The following PTPRD variants were observed in gnomAD, a reference collection of about 807,000 sequenced individuals.
PTPRD encodes receptor-type tyrosine-protein phosphatase delta.
A neutral mutation model predicts 214.5 loss-of-function variants in PTPRD; 34 were observed. The observed-to-expected ratio is 0.16, with a 90% CI of 0.12 to 0.21. The LOEUF (loss-of-function observed/expected upper bound fraction) is 0.21. Ranked by LOEUF, PTPRD falls within the 10% of genes least tolerant of loss-of-function variation. The pLI is 1.00. For synonymous variants in PTPRD, 1,128 were observed against 845.7 expected, an observed-to-expected ratio of 1.33 and a Z score of -5.79; for missense variants, 2,545 against 2,398.7, an observed-to-expected ratio of 1.06 and a Z score of -1.27.
chr9:10,457,820 G>T (rs943997423), intron 2 of PTPRD, among the ~76,000 whole-genome samples: 1 of 151,796 alleles, frequency 6.6e-6, no homozygotes, highest in Non-Finnish European at 1.5e-5. Context: ...TACCTTTTTT[G>T]AAAACATAAA....
intron 8 of PTPRD, among the ~76,000 whole-genome samples, chr9:9,530,865 G>A (rs997573305): frequency 1.3e-5 from 2 of 152,110 alleles, no homozygotes; most frequent in African/African-American, 2.4e-5. Context: ...TGCAATGATG[G>A]ATACCAGAGG....
intron 2 of PTPRD, among the ~76,000 whole-genome samples, chr9:10,438,257 A>T (rs1378710249): frequency 6.6e-6 from 1 of 151,460 alleles, no homozygotes; most frequent in Admixed American, 6.6e-5. Context: ...TTAATGATGG[A>T]GGTAACCTCA....
intron 7 of PTPRD, among the ~76,000 whole-genome samples, chr9:9,705,235 G>A (rs747266546): frequency 6.6e-6 from 1 of 152,058 alleles, no homozygotes; most frequent in African/African-American, 2.4e-5. Context: ...TCATGCCAGT[G>A]GTTTTGTGGT....
chr9:8,673,774 G>C (rs895958698), intron 12 of PTPRD, among the ~76,000 whole-genome samples: 1 of 152,030 alleles, frequency 6.6e-6, no homozygotes, highest in Admixed American at 6.5e-5. Flanking sequence ...TTGGCATAAC[G>C]AGTGCACTGA....
At chr9:10,142,670 G>C (rs1352051369) in intron 3 of PTPRD, among the ~76,000 whole-genome samples, 2 of 148,718 alleles carry the variant, frequency 1.3e-5, no homozygotes, top group African/African-American at 5.0e-5. Flanking sequence ...CTTTTACACT[G>C]TTGGTGGGAC....
intron 12 of PTPRD, among the ~76,000 whole-genome samples, chr9:8,721,032 C>T (rs2098489071): frequency 6.7e-6 from 1 of 148,572 alleles, no homozygotes; most frequent in African/African-American, 2.6e-5. Flanking sequence ...TCTACTCTGA[C>T]CCTTGGATTT....
chr9:8,711,232 C>G (rs1597650130), intron 12 of PTPRD, among the ~76,000 whole-genome samples: 1 of 151,112 alleles, frequency 6.6e-6, no homozygotes, highest in Non-Finnish European at 1.5e-5. Flanking sequence ...ATTAAGGAAG[C>G]TCATTTAGTT....
chr9:10,484,215 G>A (rs180925680), intron 2 of PTPRD, among the ~76,000 whole-genome samples: 291 of 152,150 alleles, frequency 1.9e-3, no homozygotes, highest in Non-Finnish European at 3.1e-3. Flanking sequence ...AATACTACAT[G>A]TTCTCACTTA....
chr9:10,202,298 G>T (rs537842765), intron 3 of PTPRD, among the ~76,000 whole-genome samples: 32 of 151,924 alleles, frequency 2.1e-4, no homozygotes, highest in African/African-American at 7.5e-4. Context: ...TTGGAAAGCA[G>T]GAGCCCCCCC....
At chr9:10,210,819 A>ATATATATG (rs1554858769) in intron 3 of PTPRD, among the ~76,000 whole-genome samples, 166 of 70,140 alleles carry the variant, frequency 2.4e-3, no homozygotes, top group African/African-American at 0.012. Flanking sequence ...ATATATATAT[A>ATATATATG]TATGTATGTA....
chr9:9,670,116 A>G (rs1275402963), intron 7 of PTPRD, among the ~76,000 whole-genome samples: 1 of 152,222 alleles, frequency 6.6e-6, no homozygotes, highest in African/African-American at 2.4e-5. Flanking sequence ...ATTAGCAATT[A>G]GTAATTAGTA....
At chr9:9,739,839 G>A (rs1355103372) in intron 6 of PTPRD, among the ~76,000 whole-genome samples, 1 of 151,858 alleles carries the variant, frequency 6.6e-6, no homozygotes, top group African/African-American at 2.4e-5. Context: ...ATATATGTGT[G>A]TAAATTACAG....
At chr9:9,594,169 G>T (rs2093046501) in intron 7 of PTPRD, among the ~76,000 whole-genome samples, 1 of 152,026 alleles carries the variant, frequency 6.6e-6, no homozygotes, top group South Asian at 2.1e-4. Flanking sequence ...AGCATTATAA[G>T]ATAACTGAGC....
intron 3 of PTPRD, among the ~76,000 whole-genome samples, chr9:10,198,985 T>G (rs1352352643): frequency 6.6e-6 from 1 of 152,098 alleles, no homozygotes. Flanking sequence ...CACAGAGTTA[T>G]GAGAAGACAA....
intron 3 of PTPRD, among the ~76,000 whole-genome samples, chr9:10,233,624 C>T (rs1219818264): frequency 6.6e-6 from 1 of 151,804 alleles, no homozygotes; most frequent in Non-Finnish European, 1.5e-5. Flanking sequence ...TTGCCAATTG[C>T]AATCATGCTA....
intron 2 of PTPRD, among the ~76,000 whole-genome samples, chr9:10,575,780 C>T (rs866661548): frequency 1.2e-4 from 19 of 152,216 alleles, no homozygotes; most frequent in Middle Eastern, 3.4e-3. Context: ...CTCTTCCCCA[C>T]ATATTTTTTC....
intron 8 of PTPRD, among the ~76,000 whole-genome samples, chr9:9,522,782 G>C (rs1268752249): frequency 6.6e-6 from 1 of 152,092 alleles, no homozygotes; most frequent in African/African-American, 2.4e-5. Context: ...GAAACTTAAG[G>C]CTCTTTAGAT....
At chr9:8,424,915 T>C (rs184136032) in intron 35 of PTPRD, among the ~76,000 whole-genome samples, 6 of 152,302 alleles carry the variant, frequency 3.9e-5, no homozygotes, top group Admixed American at 3.3e-4. Context: ...AATACTCTGA[T>C]TGCTGCATCT....
intron 9 of PTPRD, among the ~76,000 whole-genome samples, chr9:9,351,556 C>T (rs536974437): frequency 6.6e-6 from 1 of 152,056 alleles, no homozygotes; most frequent in African/African-American, 2.4e-5. Flanking sequence ...ATCAGGGAGG[C>T]CAAATAAAGC....
Sources: allele counts gnomAD v4.1 joint callset (sites outside exome capture counted in the v4.1 genomes callset), GRCh38; gene constraint gnomAD v4.1.1; transcripts MANE v1.5; gene names NCBI Gene and HGNC (gene_info 2026-07-23, HGNC 2026-07-21).